Variants in RHOQ observed in about 807,000 individuals in gnomAD.
RHOQ encodes the protein ras homolog family member Q.
Under a neutral mutation model 25.8 loss-of-function variants are expected in RHOQ, and 7 were observed. The ratio of observed to expected loss-of-function variants is 0.27; its 90% CI spans 0.15 to 0.51. The LOEUF is 0.51. RHOQ is among the 20% of genes least tolerant of loss of function. The pLI, the probability that RHOQ is intolerant of heterozygous loss-of-function variation, is 0.97. For missense variants in RHOQ, 165 were observed against 260.6 expected (o/e 0.63, Z 2.53); for synonymous variants, 97 against 98.6 (o/e 0.98, Z 0.10).
intron 2 of RHOQ, among the ~76,000 whole-genome samples, chr2:46,544,223 G>C (rs377539457): frequency 6.6e-6 from 1 of 152,316 alleles, no homozygotes; most frequent in East Asian, 1.9e-4. Flanking sequence ...CTGATTGGTG[G>C]GAAATGGCAT....
intron 2 of RHOQ, among the ~76,000 whole-genome samples, chr2:46,572,394 C>T (rs530863479): frequency 6.6e-6 from 1 of 152,062 alleles, no homozygotes; most frequent in East Asian, 1.9e-4. Context: ...TGAGCCACCG[C>T]ACCTGGCCAT....
rs186965409 is a variant in RHOQ at position 46,559,936 on chromosome 2, G to A, written c.201+16124G>A. Among the ~76,000 whole-genome samples the A allele has an allele frequency of 4.3e-3, 650 of 152,306 alleles. 5 individuals carry two copies. The highest frequency in any genetic ancestry group is 0.014 in the African/African-American group (592 of 41,556). On this transcript the variant is annotated intron_variant, in intron 2 of 4. Transcript: ENST00000238738. ...TTTGTACCGTGGCCTTGTGTGCTTC[G>A]ACTGGGCCTGGTGTCTCCCATTCGG...
rs1572757378 is a variant in RHOQ at position 46,576,786 on chromosome 2, G to T, written c.462+130G>T. 1.7e-6 allele frequency: 1 copy of T among 586,980 alleles called. No individual in the cohort carries two copies. The allele number at this position is 586,980 out of a possible 1,614,324, so 36.4% of individuals were successfully genotyped here. ...ACATGCATTATCTCATTTAATCCTTGCATGAACTCAGTGAGGTAGGTCTGT... is the reference window on the plus strand; with the variant it reads ...ACATGCATTATCTCATTTAATCCTTTCATGAACTCAGTGAGGTAGGTCTGT... On this transcript the variant is annotated intron_variant, in intron 4 of 4. Transcript: ENST00000238738. The surrounding 1 kb of genome is among the most constrained non-coding windows in gnomAD (Gnocchi z 5.1).
chr2:46,548,618 G>A lies in RHOQ; in HGVS notation c.201+4806G>A, dbSNP rs79292010. Among the ~76,000 whole-genome samples the A allele has an allele frequency of 4.1e-3, 629 of 152,248 alleles. 3 individuals carry two copies. Among genetic ancestry groups the A allele is most frequent in the African/African-American group, 0.014 (593 of 41,534 alleles). On this transcript the variant is annotated intron_variant, in intron 2 of 4. Coordinates refer to ENST00000238738, the MANE Select transcript of RHOQ (RefSeq NM_012249.4). The surrounding 1 kb of genome is among the most constrained non-coding windows in gnomAD (Gnocchi z 5.2). ...AATGCCACTCACAACATCAGACTCT[G>A]GGTCCTTGTAGCCCCGTGTTCCATC...
chr2:46,555,268 C>T lies in RHOQ; in HGVS notation c.201+11456C>T, dbSNP rs1668378902. On this transcript the variant is annotated intron_variant, in intron 2 of 4. Coordinates refer to ENST00000238738, the MANE Select transcript of RHOQ (RefSeq NM_012249.4). This position sits in a 1 kb window ranked among gnomAD's most constrained non-coding sequence, Gnocchi z 4.3. ...TTCCACTAAGTGAATTGTCTCCAGG[C>T]TGCACTCTAGCATTTGGTTTTATTC... Among the ~76,000 whole-genome samples, 1 of 152,246 alleles carries T rather than the reference C, an allele frequency of 6.6e-6. No homozygotes were observed. Among genetic ancestry groups the T allele is most frequent in the Non-Finnish European group, 1.5e-5 (1 of 68,046 alleles).
At chr2:46,546,749 G>C (rs1397902138) in intron 2 of RHOQ, among the ~76,000 whole-genome samples, 1 of 151,876 alleles carries the variant, frequency 6.6e-6, no homozygotes, top group Non-Finnish European at 1.5e-5. Context: ...GATACTTTGT[G>C]CATAGTGGGT....
intron 2 of RHOQ, among the ~76,000 whole-genome samples, chr2:46,547,407 C>G (rs1668106154): frequency 6.6e-6 from 1 of 152,230 alleles, no homozygotes; most frequent in Non-Finnish European, 1.5e-5. Flanking sequence ...GAGCAGGCTG[C>G]TTTCCACTTG....
Position 46,552,864 on chromosome 2 carries a change from G to A in RHOQ, c.201+9052G>A, listed in dbSNP as rs373382790. Reference sequence around the variant, plus strand: ...GCCTATTTATTGGGGGCACAGAGGAGGAAGGCTTATCCTTCCAAGGAGGTG... The same window carrying A: ...GCCTATTTATTGGGGGCACAGAGGAAGAAGGCTTATCCTTCCAAGGAGGTG... On this transcript the variant is annotated intron_variant, in intron 2 of 4. Coordinates refer to ENST00000238738, the MANE Select transcript of RHOQ (RefSeq NM_012249.4). The surrounding 1 kb of genome is among the most constrained non-coding windows in gnomAD (Gnocchi z 5.0). Among the ~76,000 whole-genome samples the A allele has an allele frequency of 6.6e-6, 1 of 152,248 alleles. No individual in the cohort carries two copies. Among genetic ancestry groups the A allele is most frequent in the Non-Finnish European group, 1.5e-5 (1 of 68,050 alleles).
intron 2 of RHOQ, among the ~76,000 whole-genome samples, chr2:46,564,475 G>C (rs779623071): frequency 6.6e-6 from 1 of 152,198 alleles, no homozygotes; most frequent in Non-Finnish European, 1.5e-5. Context: ...GTCTGTGAGG[G>C]CATCCTGATT....
At chr2:46,562,645 C>T (rs939941301) in intron 2 of RHOQ, among the ~76,000 whole-genome samples, 4 of 152,178 alleles carry the variant, frequency 2.6e-5, no homozygotes, top group Non-Finnish European at 5.9e-5. Context: ...CTGCTGTGTG[C>T]AAAGTGGGCC....
Position 46,581,441 on chromosome 2 carries a change from C to T in RHOQ, c.*358C>T, listed in dbSNP as rs372737276. ...CATACACATTTCTGCCCAGCCCTTA[C>T]AGAATCTGCACAAAGAAATATCTCC... On this transcript the variant is annotated 3_prime_UTR_variant, in exon 5 of 5. Transcript: ENST00000238738. The T allele has an allele frequency of 1.8e-4, 287 of 1,597,600 alleles. No individual in the cohort carries two copies. The highest frequency in any genetic ancestry group is 6.8e-4 in the Middle Eastern group (3 of 4,412).
rs902294076 is a variant in RHOQ, at chr2:46,548,798, G to A, written c.201+4986G>A. Among the ~76,000 whole-genome samples the A allele has an allele frequency of 6.6e-6, 1 of 152,150 alleles. No homozygotes were observed. The highest frequency in any genetic ancestry group is 1.5e-5 in the Non-Finnish European group (1 of 68,026). On this transcript the variant is annotated intron_variant, in intron 2 of 4. Coordinates refer to ENST00000238738, the MANE Select transcript of RHOQ (RefSeq NM_012249.4). The surrounding 1 kb of genome is among the most constrained non-coding windows in gnomAD (Gnocchi z 5.2). ...GTGCATTTTGCTAACCTTTTTAGAA[G>A]CTATTTATATCTCTAGCCCACACCG... is the stretch of plus-strand genomic sequence containing the variant.
In RHOQ at chr2:46,584,500, A is replaced by G. The variant is rs1176856572; in HGVS notation, c.*3417A>G. ...TGGCTCTTTGTTCTCAAACACATAC[A>G]TACCACCACGCACATTCTTTTAAAC... On this transcript the variant is annotated 3_prime_UTR_variant, in exon 5 of 5. Transcript: ENST00000238738. Among the ~76,000 whole-genome samples the G allele has an allele frequency of 6.6e-6, 1 of 152,206 alleles. No individual in the cohort carries two copies. Among genetic ancestry groups the G allele is most frequent in the Non-Finnish European group, 1.5e-5 (1 of 68,018 alleles).
chr2:46,573,064 G>A (rs1305336748), intron 2 of RHOQ, among the ~76,000 whole-genome samples: 2 of 113,966 alleles, frequency 1.8e-5, no homozygotes, highest in African/African-American at 8.3e-5. Flanking sequence ...ACTAACTGCC[G>A]ATTTTTTTTT....
intron 2 of RHOQ, among the ~76,000 whole-genome samples, chr2:46,545,510 C>A (rs536754614): frequency 6.6e-5 from 10 of 152,272 alleles, no homozygotes; most frequent in African/African-American, 2.2e-4. Flanking sequence ...GAGGCAGACA[C>A]ATGCAAATAT....
chr2:46,578,812 G>A (rs1323621581), intron 4 of RHOQ, among the ~76,000 whole-genome samples: 1 of 151,846 alleles, frequency 6.6e-6, no homozygotes, highest in Non-Finnish European at 1.5e-5. Flanking sequence ...TGCTAAAAGA[G>A]TAAATTTTAA....
intron 2 of RHOQ, among the ~76,000 whole-genome samples, chr2:46,565,785 A>C (rs1257680623): frequency 6.6e-6 from 1 of 152,232 alleles, no homozygotes; most frequent in Non-Finnish European, 1.5e-5. Flanking sequence ...ACCATGAGCC[A>C]GGCCTTGAGC....
Position 46,581,502 on chromosome 2 carries a change from C to T in RHOQ, c.*419C>T. 1.2e-6 allele frequency: 2 copies of T among 1,611,398 alleles called. No homozygotes were observed. Among genetic ancestry groups the T allele is most frequent in the Non-Finnish European group, 8.5e-7 (1 of 1,179,490 alleles). ...GTTAATTGTTCTTGTATGTAAGTTGCTTTCTATTCCAGTATATCCAGAGTG... is the reference window on the plus strand; with the variant it reads ...GTTAATTGTTCTTGTATGTAAGTTGTTTTCTATTCCAGTATATCCAGAGTG... On this transcript the variant is annotated 3_prime_UTR_variant, in exon 5 of 5. Transcript: ENST00000238738.
At chr2:46,571,436 T>G (rs1235696900) in intron 2 of RHOQ, among the ~76,000 whole-genome samples, 1 of 152,234 alleles carries the variant, frequency 6.6e-6, no homozygotes, top group Admixed American at 6.5e-5. Flanking sequence ...TGCATTGCCT[T>G]ATTTTTAACA....
Sources: allele counts gnomAD v4.1 joint callset (sites outside exome capture counted in the v4.1 genomes callset), GRCh38; gene constraint gnomAD v4.1.1; non-coding constraint Gnocchi (gnomAD v3.1); transcripts MANE v1.5; gene names NCBI Gene and HGNC (gene_info 2026-07-23, HGNC 2026-07-21).